The following IDH3B variants were observed in gnomAD, a reference collection of about 807,000 sequenced individuals.
The protein encoded by IDH3B is isocitrate dehydrogenase [NAD] subunit beta, mitochondrial.
In IDH3B, 40 loss-of-function variants were observed where a neutral mutation model predicts 47.5. That is an observed-to-expected ratio of 0.84 (90% confidence interval 0.65 to 1.10). The LOEUF is 1.10. Among genes scored for constraint, IDH3B ranks in the 50% least tolerant of loss-of-function variants. The pLI is 0.00. For missense variants in IDH3B, 450 were observed against 505.2 expected (o/e 0.89, Z 1.05); for synonymous variants, 185 against 191.0 (o/e 0.97, Z 0.26).
intron 11 of IDH3B, chr20:2,659,194 C>T (rs941284738): frequency 1.0e-5 from 13 of 1,289,178 alleles, no homozygotes; most frequent in African/African-American, 2.2e-5. Context: ...GAAGCTGATG[C>T]TTCAGCCTGC....
chr20:2,659,245 T>C (rs2086889485), intron 11 of IDH3B: 3 of 1,444,236 alleles, frequency 2.1e-6, no homozygotes, highest in Non-Finnish European at 2.7e-6. Context: ...GAGCTGCAAG[T>C]TCTGCATTCA....
chr20:2,659,741 G>C lies in IDH3B; in HGVS notation c.968C>G (p.Thr323Arg). 6.2e-7 allele frequency: 1 copy of C among 1,614,154 alleles called. No homozygotes were observed. Among genetic ancestry groups the C allele is most frequent in the Non-Finnish European group, 8.5e-7 (1 of 1,179,996 alleles). ...GTTGGAAGCCGACAGCAGCATGGCC[G>C]TGGGATTGGCTATATTCCTGCCCAC... ...QAVGRNIANPTAMLLSASNML... is the reference protein window; with the variant it reads ...QAVGRNIANPRAMLLSASNML... The change falls in exon 10 of 12, where the codon ACG (threonine) becomes AGG (arginine). Residue 323 changes from threonine to arginine, a missense_variant. Coordinates refer to ENST00000380843, the MANE Select transcript of IDH3B (RefSeq NM_006899.5).
At chr20:2,663,196 T>C (rs1182440588) in intron 4 of IDH3B, among the ~76,000 whole-genome samples, 2 of 149,938 alleles carry the variant, frequency 1.3e-5, no homozygotes. Context: ...AGAAATGCAA[T>C]GAATAAGATT....
intron 2 of IDH3B, 83 bp downstream of exon 2, chr20:2,663,842 G>C: frequency 1.3e-6 from 2 of 1,591,688 alleles, no homozygotes; most frequent in Admixed American, 3.3e-5. Context: ...GGGAGACCCG[G>C]GAGGGGTGGG....
rs778013296 is a variant in IDH3B, at chr20:2,660,630, G to A, written c.532-40C>T. On this transcript the variant is annotated intron_variant, in intron 6 of 11. Transcript: ENST00000380843. The surrounding 1 kb of genome is among the most constrained non-coding windows in gnomAD (Gnocchi z 5.6). ...AGCAGCAGCTAGGTGACACTGGGAA[G>A]GGAAACAAGGAGCTCCACCTCTCTC... 3 of 1,614,118 alleles carry A rather than the reference G, an allele frequency of 1.9e-6. No homozygotes were observed. The highest frequency in any genetic ancestry group is 3.3e-4 in the Middle Eastern group (2 of 6,060).
chr20:2,658,446 G>A lies in IDH3B; in HGVS notation c.*305C>T. On this transcript the variant is annotated 3_prime_UTR_variant, in exon 12 of 12. Transcript: ENST00000380843. ...TTACATGGGTATGGACAGGGCCTAT[G>A]GGTGGGGCAAGGCAGCAATGACAGC... The A allele has an allele frequency of 6.2e-7, 1 of 1,614,084 alleles. No homozygotes were observed. The highest frequency in any genetic ancestry group is 1.3e-5 in the African/African-American group (1 of 75,040).
In IDH3B at chr20:2,663,974, C is replaced by A. The variant is rs200744124; in HGVS notation, c.68G>T (p.Trp23Leu). ...ALVSAGNPGA[W>L]RGLSTSAAAH... is the part of the protein sequence containing the mutation. ...CGCGGCCGAGGTACTCAGACCTCTC[C>A]ATGCCCCAGGGTTCCCGGCGGAGAC... The change falls in exon 2 of 12, where the codon TGG (tryptophan) becomes TTG (leucine). Residue 23 changes from tryptophan to leucine, a missense_variant. Transcript: ENST00000380843. 3.7e-6 allele frequency: 6 copies of A among 1,614,076 alleles called. No homozygotes were observed. In the Admixed American group the frequency reaches 1.0e-4, roughly 27 times the overall value.
chr20:2,659,609 CTG>C (rs1392223611), intron 10 of IDH3B, 24 bp from the exon 11 acceptor site: 11 of 1,613,450 alleles, frequency 6.8e-6, no homozygotes, highest in Admixed American at 5.0e-5. Context: ...CAGGAAGAAA[CTG>C]TGACTCCCCC....
chr20:2,659,425 G>A (rs2086893971), intron 11 of IDH3B, 100 bp downstream of exon 11: 27 of 1,523,470 alleles, frequency 1.8e-5, no homozygotes, highest in Non-Finnish European at 2.3e-5. Context: ...GACCTGGGGG[G>A]AAAGGAGACC....
chr20:2,663,166 G>A (rs1306654102), intron 4 of IDH3B, among the ~76,000 whole-genome samples: 2 of 150,670 alleles, frequency 1.3e-5, no homozygotes, highest in Non-Finnish European at 3.0e-5. Flanking sequence ...AAGAAAAGGG[G>A]CAGCTAAAAG....
In IDH3B at chr20:2,659,509, ACTC is replaced by A. The variant is rs2086896402; in HGVS notation, c.1071+13_1071+15del. On this transcript the variant is annotated intron_variant, in intron 11 of 11. Transcript: ENST00000380843. ...TACTCTAAATCCTGAAGCCAGCACT[ACTC>A]TTCTCAACTCACCTTGCCAACTTTG... 1.2e-6 allele frequency: 2 copies of A among 1,612,694 alleles called. No homozygotes were observed. The highest frequency in any genetic ancestry group is 1.7e-6 in the Non-Finnish European group (2 of 1,178,836).
In IDH3B at chr20:2,658,562, C is replaced by A; in HGVS notation, c.*189G>T. On this transcript the variant is annotated 3_prime_UTR_variant, in exon 12 of 12. Coordinates refer to ENST00000380843, the MANE Select transcript of IDH3B (RefSeq NM_006899.5). ...CATCATCATCCATGTGGCCTGGGCT[C>A]CATCCTAACAATCCCCATCACCACC... is the stretch of plus-strand genomic sequence containing the variant. The A allele has an allele frequency of 6.2e-7, 1 of 1,612,948 alleles. No individual in the cohort carries two copies. Among genetic ancestry groups the A allele is most frequent in the Non-Finnish European group, 8.5e-7 (1 of 1,179,484 alleles).
intron 4 of IDH3B, among the ~76,000 whole-genome samples, chr20:2,662,843 G>A (rs2086971691): frequency 6.6e-6 from 1 of 152,224 alleles, no homozygotes; most frequent in Admixed American, 6.5e-5. Flanking sequence ...ATACCAGCCA[G>A]CTACTCAGGA....
At position 2,664,208 on chromosome 20, in the gene IDH3B, G is replaced by C; in HGVS notation, c.-20C>G. ...CGCCATGTTTCCCGCAGGAAGTCGCGTGGGAAGTGACGCCTGAAGCTGGCG... is the reference window on the plus strand; with the variant it reads ...CGCCATGTTTCCCGCAGGAAGTCGCCTGGGAAGTGACGCCTGAAGCTGGCG... On this transcript the variant is annotated 5_prime_UTR_variant, in exon 1 of 12. Transcript: ENST00000380843. The C allele has an allele frequency of 6.2e-7, 1 of 1,612,202 alleles. No homozygotes were observed. The highest frequency in any genetic ancestry group is 8.5e-7 in the Non-Finnish European group (1 of 1,179,378).
chr20:2,663,263 T>C (rs569771096), intron 4 of IDH3B, among the ~76,000 whole-genome samples, 183 bp downstream of exon 4: 122 of 152,306 alleles, frequency 8.0e-4, no homozygotes, highest in African/African-American at 2.8e-3. Context: ...CTTTTCTGCA[T>C]AGACAGCTGA....
At chr20:2,663,357 T>G in intron 4 of IDH3B, 89 bp downstream of exon 4, 4 of 1,472,138 alleles carry the variant, frequency 2.7e-6, no homozygotes, top group Non-Finnish European at 2.8e-6. Context: ...TTAATATAAT[T>G]GCATAGCATG....
Position 2,658,625 on chromosome 20 carries a change from AC to A in IDH3B, c.*125del. The A allele has an allele frequency of 6.2e-7, 1 of 1,613,522 alleles. No homozygotes were observed. Among genetic ancestry groups the A allele is most frequent in the Admixed American group, 1.7e-5 (1 of 59,894 alleles). Reference sequence around the variant, plus strand: ...CCCTAAGGAAGCCGGCCCAAGGACAACCTAGGCTCTACCCAGCAAGGTGACC... The same window carrying A: ...CCCTAAGGAAGCCGGCCCAAGGACAACTAGGCTCTACCCAGCAAGGTGACC... On this transcript the variant is annotated 3_prime_UTR_variant, in exon 12 of 12. Transcript: ENST00000380843.
rs766771973 is a variant in IDH3B at position 2,663,458 on chromosome 20, C to G, written c.325G>C (p.Val109Leu). ...AGGGCACACATACCAATGATGGCCA[C>G]TTTGTTCTCCTTCATGGAACTCAGC... ...QVLSSMKENKVAIIGKIHTPM... is the reference protein window; with the variant it reads ...QVLSSMKENKLAIIGKIHTPM... The change falls in exon 4 of 12, where the codon GTG becomes CTG. Residue 109 changes from valine to leucine, a missense_variant. Val to Leu is a conservative substitution (Grantham distance 32). Transcript: ENST00000380843. 1.2e-5 allele frequency: 19 copies of G among 1,614,086 alleles called. No homozygotes were observed. Among genetic ancestry groups the G allele is most frequent in the Admixed American group, 8.3e-5 (5 of 60,006 alleles).
chr20:2,659,160 G>GA, intron 11 of IDH3B: 2 of 1,331,770 alleles, frequency 1.5e-6, no homozygotes, highest in Non-Finnish European at 1.9e-6. Flanking sequence ...GAATCACAGC[G>GA]AAAAGGAGAT....
Sources: gnomAD v4.1 joint callset for allele counts (sites outside exome capture counted in the v4.1 genomes callset) on GRCh38, gnomAD v4.1.1 for gene constraint, Gnocchi (gnomAD v3.1) non-coding constraint, MANE v1.5 for transcripts, NCBI Gene and HGNC (gene_info 2026-07-23, HGNC 2026-07-21) for gene names.